XKR7: variants seen among roughly 807,000 people sequenced by gnomAD.
XKR7 encodes the protein XK-related protein 7.
A neutral mutation model predicts 42.2 loss-of-function variants in XKR7; 11 were observed. That is an observed-to-expected ratio of 0.26 (90% CI 0.16 to 0.43). The LOEUF (loss-of-function observed/expected upper bound fraction) is 0.43, where lower values mean the gene tolerates loss of function less well. XKR7 is among the 20% of genes least tolerant of loss of function. XKR7 has a pLI of 1.00. For synonymous variants in XKR7, 346 were observed against 366.4 expected (o/e 0.94, Z 0.64); for missense variants, 710 against 802.2 (o/e 0.89, Z 1.39).
intron 1 of XKR7, among the ~76,000 whole-genome samples, chr20:31,989,106 A>T (rs895614670): frequency 6.6e-6 from 1 of 152,170 alleles, no homozygotes; most frequent in Non-Finnish European, 1.5e-5. Flanking sequence ...AAAATAAGAC[A>T]GGGGGTGTGG....
chr20:31,985,207 G>A (rs2064532122), intron 1 of XKR7, among the ~76,000 whole-genome samples: 1 of 152,132 alleles, frequency 6.6e-6, no homozygotes, highest in South Asian at 2.1e-4. Flanking sequence ...CACTCTGTAG[G>A]GATCTGCAGA....
intron 1 of XKR7, among the ~76,000 whole-genome samples, chr20:31,982,623 C>A (rs1457149470): frequency 6.6e-6 from 1 of 151,980 alleles, no homozygotes. Context: ...GTCCATGAAC[C>A]TCACAGGACC....
intron 1 of XKR7, among the ~76,000 whole-genome samples, chr20:31,980,908 A>G (rs890597352): frequency 6.6e-6 from 1 of 151,832 alleles, no homozygotes; most frequent in Admixed American, 6.6e-5. Flanking sequence ...CTAAAAATTT[A>G]AAAAAATATA....
At chr20:31,977,811 A>G (rs1030721954) in intron 1 of XKR7, among the ~76,000 whole-genome samples, 2 of 152,342 alleles carry the variant, frequency 1.3e-5, no homozygotes, top group African/African-American at 4.8e-5. Flanking sequence ...CACACTGTCA[A>G]TCAGGCTGTT....
chr20:31,977,555 G>A (rs956226996), intron 1 of XKR7, among the ~76,000 whole-genome samples: 10 of 152,040 alleles, frequency 6.6e-5, no homozygotes, highest in African/African-American at 2.2e-4. Context: ...AAATGCACAG[G>A]GCTTGTCACA....
At chr20:31,974,825 G>T (rs930773229) in intron 1 of XKR7, among the ~76,000 whole-genome samples, 5 of 152,110 alleles carry the variant, frequency 3.3e-5, no homozygotes, top group South Asian at 2.1e-4. Context: ...CATCCATGAG[G>T]TTCCTCCCTG....
At chr20:31,978,641 G>T (rs73903695) in intron 1 of XKR7, among the ~76,000 whole-genome samples, 2 of 152,018 alleles carry the variant, frequency 1.3e-5, no homozygotes, top group South Asian at 4.1e-4. Context: ...GCATGTGGCC[G>T]GTATGACTGA....
At chr20:31,982,770 C>T (rs1399568998) in intron 1 of XKR7, among the ~76,000 whole-genome samples, 7 of 152,152 alleles carry the variant, frequency 4.6e-5, no homozygotes, top group Admixed American at 3.3e-4. Context: ...CAGTGTCCCT[C>T]GGGGACAGGT....
intron 1 of XKR7, among the ~76,000 whole-genome samples, chr20:31,985,855 C>T (rs1216412348): frequency 1.4e-5 from 2 of 138,456 alleles, no homozygotes; most frequent in Admixed American, 7.2e-5. Context: ...GACCACCAAG[C>T]GGACCCAGCA....
chr20:31,987,387 C>T (rs1030743512), intron 1 of XKR7, among the ~76,000 whole-genome samples: 1 of 150,842 alleles, frequency 6.6e-6, no homozygotes, highest in Non-Finnish European at 1.5e-5. Flanking sequence ...CAAGCAGACC[C>T]AGTATCCAAG....
At chr20:31,974,951 A>G (rs1201656491) in intron 1 of XKR7, among the ~76,000 whole-genome samples, 2 of 151,918 alleles carry the variant, frequency 1.3e-5, no homozygotes, top group South Asian at 2.1e-4. Context: ...TCCAGCTGCC[A>G]TGGACCATTA....
chr20:32,002,263 C>T lies in XKR7; in HGVS notation c.*4806C>T, dbSNP rs1413423258. ...AGAAGGCTGCCCTCTCCTCAGCAAC[C>T]CTGGCCTTTATTCTATGCATAACCA... is the stretch of plus-strand genomic sequence containing the variant. On this transcript the variant is annotated 3_prime_UTR_variant, in exon 3 of 3. Coordinates refer to ENST00000562532, the MANE Select transcript of XKR7 (RefSeq NM_001011718.2). 1 of 152,174 alleles carries T rather than the reference C, an allele frequency of 6.6e-6. No homozygotes were observed. Among genetic ancestry groups the T allele is most frequent in the African/African-American group, 2.4e-5 (1 of 41,408 alleles). The allele number at this position is 152,174 out of a possible 1,614,324, so 9.4% of individuals were successfully genotyped here. A position where few individuals can be genotyped will look rare whatever the true frequency, so the allele number is the denominator to read the frequency against.
chr20:31,973,934 C>T (rs1344644995), intron 1 of XKR7, among the ~76,000 whole-genome samples: 1 of 152,146 alleles, frequency 6.6e-6, no homozygotes, highest in Non-Finnish European at 1.5e-5. Flanking sequence ...GTGGCTCACG[C>T]TTGTAATCCC....
At position 31,996,961 on chromosome 20, in the gene XKR7, T is replaced by C; in HGVS notation, c.1244T>C (p.Leu415Pro). Residue 415 changes from leucine to proline, a missense_variant, in exon 3 of 3, where the codon CTC becomes CCC. By Grantham distance (98) the Leu-to-Pro change is moderately conservative. Around this residue, in one of 2 missense-constraint regions of XKR7, gnomAD observed 708 missense variants for 786.2 expected, o/e 0.90. Coordinates refer to ENST00000562532, the MANE Select transcript of XKR7 (RefSeq NM_001011718.2). ...AACTTCTCAACCGACTTCTACTCGC[T>C]CATCATGGTCTGCGTAGTGGCCTCC... ...SRNFSTDFYSLIMVCVVASSF... is the reference protein window; with the variant it reads ...SRNFSTDFYSPIMVCVVASSF... 6.2e-7 allele frequency: 1 copy of C among 1,614,136 alleles called. No individual in the cohort carries two copies. Among genetic ancestry groups the C allele is most frequent in the Non-Finnish European group, 8.5e-7 (1 of 1,180,040 alleles).
At chr20:31,996,219 C>G (rs1484029427) in intron 2 of XKR7, among the ~76,000 whole-genome samples, 1 of 151,726 alleles carries the variant, frequency 6.6e-6, no homozygotes, top group Non-Finnish European at 1.5e-5. Flanking sequence ...TGAATCCTAA[C>G]AGCCCCACAC....
At position 31,996,743 on chromosome 20, in the gene XKR7, G is replaced by A; in HGVS notation, c.1026G>A (p.Trp342Ter). The change falls in exon 3 of 3, where the codon TGG (tryptophan) becomes TGA (stop). Residue 342 changes from tryptophan (W) to a stop codon, truncating the protein, a stop_gained. Coordinates refer to ENST00000562532, the MANE Select transcript of XKR7 (RefSeq NM_001011718.2). LOFTEE classifies it high-confidence loss of function. The part of the protein sequence containing the change: ...IVAHWCVMTF[W>*]VIQGETDFCM... ...CCCACTGGTGCGTCATGACCTTCTG[G>A]GTCATCCAAGGGGAGACGGACTTCT... The A allele has an allele frequency of 6.2e-7, 1 of 1,614,018 alleles. No homozygotes were observed. Among genetic ancestry groups the A allele is most frequent in the Non-Finnish European group, 8.5e-7 (1 of 1,179,994 alleles).
intron 2 of XKR7, among the ~76,000 whole-genome samples, chr20:31,996,275 T>C (rs571090774): frequency 3.3e-4 from 50 of 151,408 alleles, no homozygotes; most frequent in Non-Finnish European, 5.5e-4. Flanking sequence ...TCTCCCTTTA[T>C]GCTCCCACCC....
At chr20:31,972,527 G>T (rs2064469655) in intron 1 of XKR7, among the ~76,000 whole-genome samples, 1 of 152,108 alleles carries the variant, frequency 6.6e-6, no homozygotes, top group Non-Finnish European at 1.5e-5. Flanking sequence ...AACTGCCCAG[G>T]GTTCTTAAGC....
At chr20:31,974,872 C>G (rs2064478434) in intron 1 of XKR7, among the ~76,000 whole-genome samples, 1 of 152,108 alleles carries the variant, frequency 6.6e-6, no homozygotes, top group African/African-American at 2.4e-5. Flanking sequence ...TTGGGCCTCA[C>G]CACTCACCTC....
Sources: gnomAD v4.1 joint callset for allele counts (sites outside exome capture counted in the v4.1 genomes callset) on GRCh38, gnomAD v4.1.1 for gene constraint, gnomAD v4.1.1 regional missense constraint, MANE v1.5 for transcripts, NCBI Gene and HGNC (gene_info 2026-07-23, HGNC 2026-07-21) for gene names.